The following NTM variants were observed in gnomAD, a reference collection of about 807,000 sequenced individuals.
NTM encodes the protein neurotrimin, also known as IgLON family member 2.
In NTM, 13 loss-of-function variants were observed where a neutral mutation model predicts 42.1. That is an observed-to-expected ratio of 0.31 (90% CI 0.20 to 0.49). The LOEUF is 0.49. NTM is among the 20% of genes least tolerant of loss of function. The pLI is 0.99. For synonymous variants in NTM, 187 were observed against 179.2 expected (o/e 1.04, Z -0.35); for missense variants, 373 against 452.8 (o/e 0.82, Z 1.60).
At chr11:131,595,700 C>T (rs1242236755) in intron 1 of NTM, among the ~76,000 whole-genome samples, 1 of 152,202 alleles carries the variant, frequency 6.6e-6, no homozygotes, top group East Asian at 1.9e-4. Flanking sequence ...AGGTTTTGGG[C>T]TGACAGTGAA....
intron 1 of NTM, among the ~76,000 whole-genome samples, chr11:131,649,065 G>T (rs975442798): frequency 6.6e-6 from 1 of 152,156 alleles, no homozygotes; most frequent in Non-Finnish European, 1.5e-5. Context: ...ACTATGACAG[G>T]TGCACGGGGG....
chr11:132,331,975 C>T (rs1304762856), intron 8 of NTM, among the ~76,000 whole-genome samples: 3 of 152,266 alleles, frequency 2.0e-5, no homozygotes, highest in East Asian at 3.9e-4. Context: ...AGGCACATCA[C>T]GAAATGTAGT....
At chr11:131,448,405 G>C (rs1950230356) in intron 1 of NTM, among the ~76,000 whole-genome samples, 1 of 152,250 alleles carries the variant, frequency 6.6e-6, no homozygotes, top group Non-Finnish European at 1.5e-5. Context: ...ACATGATGCA[G>C]GCTGGCAGGA....
chr11:132,135,298 A>G (rs1231560203), intron 2 of NTM, among the ~76,000 whole-genome samples: 1 of 152,124 alleles, frequency 6.6e-6, no homozygotes, highest in Non-Finnish European at 1.5e-5. Flanking sequence ...ACCACCCTCC[A>G]TCTTTCTAGC....
At position 131,592,695 on chromosome 11, in the gene NTM, C is replaced by G. The variant is rs532614675; in HGVS notation, c.82+221807C>G. The stretch of plus-strand genomic sequence containing the variant: ...ACACACACACACACACACCATAGTT[C>G]AAAGTTGACCTTTAGGGGCTGTTTC... On this transcript the variant is annotated intron_variant, in intron 1 of 8. Coordinates refer to ENST00000683400, the MANE Select transcript of NTM (RefSeq NM_001352005.2). Among the ~76,000 whole-genome samples the G allele has an allele frequency of 4.8e-4, 70 of 147,018 alleles. 1 individual carries two copies. The highest frequency in any genetic ancestry group is 1.7e-3 in the African/African-American group (68 of 39,778).
intron 1 of NTM, among the ~76,000 whole-genome samples, chr11:131,823,714 A>G (rs1308257205): frequency 6.6e-6 from 1 of 152,218 alleles, no homozygotes; most frequent in Non-Finnish European, 1.5e-5. Context: ...AATTACCTCA[A>G]TGTGCATTGC....
intron 3 of NTM, among the ~76,000 whole-genome samples, chr11:132,181,955 T>TTTATTA (rs56263428): frequency 0.18 from 25,968 of 140,796 alleles, 2,595 homozygotes; most frequent in African/African-American, 0.25. Flanking sequence ...CACTATCTAG[T>TTTATTA]TTATTATTAT....
At chr11:131,910,407 T>A (rs2054553849) in intron 1 of NTM, among the ~76,000 whole-genome samples, 1 of 151,828 alleles carries the variant, frequency 6.6e-6, no homozygotes, top group African/African-American at 2.4e-5. Context: ...ACTCCTGGCC[T>A]GGGCTGGGCT....
intron 1 of NTM, among the ~76,000 whole-genome samples, chr11:131,614,384 A>T (rs4076811): frequency 0.39 from 59,174 of 152,146 alleles, 15,405 homozygotes; most frequent in African/African-American, 0.75. Flanking sequence ...CAGCTCTGTT[A>T]TTAGCAATTA....
At chr11:131,424,867 C>CTTT (rs759720917) in intron 1 of NTM, among the ~76,000 whole-genome samples, 1 of 138,532 alleles carries the variant, frequency 7.2e-6, no homozygotes, top group Non-Finnish European at 1.6e-5. Context: ...CCACGCCCAG[C>CTTT]TTTTTTTTTT....
rs576604781 is a variant in NTM at position 132,227,319 on chromosome 11, CAT to C, written c.526+15173_526+15174del. Reference sequence around the variant, plus strand: ...AGATTTGGCAAAATGCACTTATACACATGAGACATTGGAAAGAAGGGTTCTGA... The same window carrying C: ...AGATTTGGCAAAATGCACTTATACACGAGACATTGGAAAGAAGGGTTCTGA... On this transcript the variant is annotated intron_variant, in intron 4 of 8. Transcript: ENST00000683400. Among the ~76,000 whole-genome samples the C allele has an allele frequency of 4.0e-3, 604 of 152,246 alleles. 4 individuals are homozygous for C. The highest frequency in any genetic ancestry group is 6.9e-3 in the Non-Finnish European group (471 of 68,016).
chr11:131,874,508 C>T (rs540083950), intron 1 of NTM, among the ~76,000 whole-genome samples: 2 of 152,256 alleles, frequency 1.3e-5, no homozygotes, highest in African/African-American at 4.8e-5. Flanking sequence ...GTTTATATTT[C>T]AATTGACTAA....
At chr11:131,596,873 G>A (rs1052136795) in intron 1 of NTM, among the ~76,000 whole-genome samples, 5 of 152,160 alleles carry the variant, frequency 3.3e-5, no homozygotes, top group African/African-American at 1.2e-4. Flanking sequence ...CCCACAATAG[G>A]CCATCTGCAG....
At chr11:131,452,102 T>G (rs1950532086) in intron 1 of NTM, among the ~76,000 whole-genome samples, 1 of 152,184 alleles carries the variant, frequency 6.6e-6, no homozygotes, top group Admixed American at 6.5e-5. Context: ...GGGCACAGCT[T>G]CCTCGAAAAG....
At chr11:132,330,736 T>C (rs948518090) in intron 8 of NTM, among the ~76,000 whole-genome samples, 1 of 152,168 alleles carries the variant, frequency 6.6e-6, no homozygotes, top group African/African-American at 2.4e-5. Flanking sequence ...ATCACCGTTC[T>C]CTGGGACCCT....
intron 1 of NTM, among the ~76,000 whole-genome samples, chr11:131,456,506 A>C (rs188856715): frequency 2.6e-5 from 4 of 152,246 alleles, no homozygotes; most frequent in Admixed American, 2.0e-4. Context: ...ATGGCTCCCA[A>C]AACAGACAGG....
chr11:131,874,833 C>A (rs1043549746), intron 1 of NTM, among the ~76,000 whole-genome samples: 1 of 152,184 alleles, frequency 6.6e-6, no homozygotes, highest in Non-Finnish European at 1.5e-5. Context: ...ATTCTCAACC[C>A]TTATCAGTTG....
At chr11:132,168,887 T>G (rs776121137) in intron 3 of NTM, among the ~76,000 whole-genome samples, 60 of 152,176 alleles carry the variant, frequency 3.9e-4, no homozygotes, top group Non-Finnish European at 8.4e-4. Flanking sequence ...GATCTTCACT[T>G]TACACATGTC....
intron 1 of NTM, among the ~76,000 whole-genome samples, chr11:131,792,791 C>A (rs1264923690): frequency 6.6e-6 from 1 of 152,138 alleles, no homozygotes; most frequent in Non-Finnish European, 1.5e-5. Context: ...AGTGGCAATT[C>A]GTTTCATATG....
Sources: allele counts gnomAD v4.1 joint callset (sites outside exome capture counted in the v4.1 genomes callset), GRCh38; gene constraint gnomAD v4.1.1; transcripts MANE v1.5; gene names NCBI Gene and HGNC (gene_info 2026-07-23, HGNC 2026-07-21).